Variants in COL13A1 observed in about 807,000 individuals in gnomAD.
COL13A1 encodes collagen type XIII alpha 1 chain.
Under a neutral mutation model 130.9 loss-of-function variants are expected in COL13A1, and 89 were observed. The observed-to-expected ratio is 0.68, with a 90% CI of 0.57 to 0.81. The LOEUF is 0.81. Ranked by LOEUF, COL13A1 falls within the 30% of genes least tolerant of loss-of-function variation. COL13A1 has a pLI of 0.00. For missense variants in COL13A1, 879 were observed against 934.6 expected, an observed-to-expected ratio of 0.94 and a Z score of 0.78; for synonymous variants, 402 against 341.6, an observed-to-expected ratio of 1.18 and a Z score of -1.95.
intron 13 of COL13A1, among the ~76,000 whole-genome samples, chr10:69,897,276 A>G (rs2061737493): frequency 6.6e-6 from 1 of 152,136 alleles, no homozygotes; most frequent in Admixed American, 6.5e-5. Context: ...TTGGCTTTCC[A>G]AGGGGTTGGG....
intron 2 of COL13A1, among the ~76,000 whole-genome samples, chr10:69,851,107 T>C (rs1171263694): frequency 6.6e-6 from 1 of 152,226 alleles, no homozygotes; most frequent in East Asian, 1.9e-4. Context: ...AGGGGAACCA[T>C]GCACCCCTCA....
At chr10:69,898,242 G>T (rs763618606) in intron 13 of COL13A1, among the ~76,000 whole-genome samples, 1 of 152,198 alleles carries the variant, frequency 6.6e-6, no homozygotes, top group Admixed American at 6.5e-5. Flanking sequence ...CCTGGCCAGA[G>T]CCTCTGAGTT....
At chr10:69,897,611 C>G in intron 13 of COL13A1, 1 of 1,483,496 alleles carries the variant, frequency 6.7e-7, no homozygotes, top group Admixed American at 1.8e-5. Flanking sequence ...TGCACATCCC[C>G]AGGCCCCGGC....
intron 2 of COL13A1, 73 bp from the exon 3 acceptor site, chr10:69,867,725 G>C (rs2058662301): frequency 1.4e-6 from 1 of 714,754 alleles, no homozygotes; most frequent in Non-Finnish European, 2.6e-6. Flanking sequence ...CTTGGACACT[G>C]CTTCCAAGGC....
At chr10:69,886,519 T>G (rs2060607449) in intron 7 of COL13A1, among the ~76,000 whole-genome samples, 1 of 152,164 alleles carries the variant, frequency 6.6e-6, no homozygotes, top group Non-Finnish European at 1.5e-5. Context: ...TGAGCCAGTG[T>G]GTCTGAGCAT....
Position 69,885,059 on chromosome 10 carries a change from C to T in COL13A1, c.514-2397C>T, listed in dbSNP as rs151166144. Among the ~76,000 whole-genome samples, 606 of 152,186 alleles carry T rather than the reference C, an allele frequency of 4.0e-3. 6 individuals carry two copies. The highest frequency in any genetic ancestry group is 4.0e-3 in the East Asian group (21 of 5,186). On this transcript the variant is annotated intron_variant, in intron 7 of 40. Coordinates refer to ENST00000645393, the MANE Select transcript of COL13A1 (RefSeq NM_001368882.1). ...TTCATTATATTGGAATAAATTCCAA[C>T]GAGCGAAATACTTAGATATAAAACC...
chr10:69,862,788 G>GT (rs1482343633), intron 2 of COL13A1, among the ~76,000 whole-genome samples: 1 of 152,028 alleles, frequency 6.6e-6, no homozygotes, highest in African/African-American at 2.4e-5. Flanking sequence ...AAACTCTCTG[G>GT]GCCTCAGGTT....
rs1299723377 is a variant in COL13A1, at chr10:69,802,483, G to C, written c.60G>C (p.Leu20Phe). Residue 20 changes from leucine to phenylalanine, a missense_variant, in exon 1 of 41, where the codon TTG (leucine) becomes TTC (phenylalanine). By Grantham distance (22) the Leu-to-Phe change is conservative. This residue lies in a region of COL13A1 where 715 missense variants were observed against 721.0 expected (regional missense o/e 0.99). Coordinates refer to ENST00000645393, the MANE Select transcript of COL13A1 (RefSeq NM_001368882.1). ...AATGARGPGELGAPGTVALVA... is the reference protein window; with the variant it reads ...AATGARGPGEFGAPGTVALVA... ...CCGGTGCCCGCGGCCCTGGGGAGTTGGGCGCGCCCGGGACGGTGGCTCTGG... is the reference window on the plus strand; with the variant it reads ...CCGGTGCCCGCGGCCCTGGGGAGTTCGGCGCGCCCGGGACGGTGGCTCTGG... 6.6e-7 allele frequency: 1 copy of C among 1,520,216 alleles called. No individual in the cohort carries two copies. 94.2% of individuals were successfully genotyped at this position (1,520,216 alleles called of 1,614,324 possible).
At chr10:69,935,267 C>T in intron 31 of COL13A1, 83 bp from the exon 32 acceptor site, 4 of 1,215,706 alleles carry the variant, frequency 3.3e-6, no homozygotes, top group Non-Finnish European at 4.7e-6. Flanking sequence ...CCTCCTCTGG[C>T]CTTGCAGTCT....
At chr10:69,881,835 A>G (rs887896588) in intron 7 of COL13A1, among the ~76,000 whole-genome samples, 6 of 152,230 alleles carry the variant, frequency 3.9e-5, no homozygotes, top group Non-Finnish European at 7.3e-5. Context: ...TCCATTTTAC[A>G]GATGAGGAAA....
intron 37 of COL13A1, 56 bp downstream of exon 37, chr10:69,945,780 T>C (rs1435748725): frequency 3.2e-6 from 5 of 1,574,928 alleles, no homozygotes. Context: ...CCATTAGAAA[T>C]ACCCACGGCC....
chr10:69,826,897 A>G lies in COL13A1; in HGVS notation c.364+4459A>G, dbSNP rs61849199. On this transcript the variant is annotated intron_variant, in intron 2 of 40. Coordinates refer to ENST00000645393, the MANE Select transcript of COL13A1 (RefSeq NM_001368882.1). ...AAAAGGGGAATGGGACAAGTGGAGT[A>G]TGTGCTCAAACCCTCAAGAGCAAAA... Among the ~76,000 whole-genome samples the G allele has an allele frequency of 4.1e-3, 621 of 152,290 alleles. 2 individuals are homozygous for G. The highest frequency in any genetic ancestry group is 6.6e-3 in the Non-Finnish European group (446 of 67,996).
chr10:69,928,484 A>G (rs1051940914), intron 27 of COL13A1, among the ~76,000 whole-genome samples: 11 of 152,240 alleles, frequency 7.2e-5, no homozygotes, highest in Non-Finnish European at 1.5e-5. Flanking sequence ...GCTTCTGCTC[A>G]GCAGAATGTG....
At chr10:69,833,097 A>G (rs1849205009) in intron 2 of COL13A1, among the ~76,000 whole-genome samples, 1 of 152,278 alleles carries the variant, frequency 6.6e-6, no homozygotes, top group African/African-American at 2.4e-5. Flanking sequence ...CCAGTGGAAG[A>G]GTCCTGAGGA....
At chr10:69,949,999 CGTGTGTGT>C (rs200542262) in intron 38 of COL13A1, among the ~76,000 whole-genome samples, 1 of 149,456 alleles carries the variant, frequency 6.7e-6, no homozygotes, top group African/African-American at 2.5e-5. Context: ...TTTGTGTGTG[CGTGTGTGT>C]GTACGTCTCA....
chr10:69,819,891 C>T (rs530447071), intron 1 of COL13A1, among the ~76,000 whole-genome samples: 1 of 152,356 alleles, frequency 6.6e-6, no homozygotes, highest in South Asian at 2.1e-4. Flanking sequence ...ACTCCAGCCA[C>T]ACTTCACCCC....
At chr10:69,925,138 T>C in intron 25 of COL13A1, 131 bp downstream of exon 25, 1 of 903,602 alleles carries the variant, frequency 1.1e-6, no homozygotes. Flanking sequence ...AAGAGACAGG[T>C]CTGTGCCTTT....
rs372022339 is a variant in COL13A1 at position 69,902,840 on chromosome 10, G to T, written c.843G>T (p.Gly281=). ...SGPLGHPGLP[G]PMGPPGLPGP... ...CTCTGGGGCACCCAGGACTGCCAGG[G>T]CCTATGGGGCCACCTGTAAGTATTC... The change falls in exon 15 of 41, where the codon GGG becomes GGT. Residue 281 remains glycine (G), a synonymous_variant. Transcript: ENST00000645393. 1 of 1,536,856 alleles carries T rather than the reference G, an allele frequency of 6.5e-7. No individual in the cohort carries two copies. The highest frequency in any genetic ancestry group is 1.2e-5 in the South Asian group (1 of 82,342).
chr10:69,862,679 C>A (rs1327201133), intron 2 of COL13A1, among the ~76,000 whole-genome samples: 1 of 152,216 alleles, frequency 6.6e-6, no homozygotes, highest in Non-Finnish European at 1.5e-5. Context: ...CCATGTGCCT[C>A]CTTCAAGCTT....
Sources: allele counts gnomAD v4.1 joint callset (sites outside exome capture counted in the v4.1 genomes callset), GRCh38; gene constraint gnomAD v4.1.1; regional missense constraint gnomAD v4.1.1; transcripts MANE v1.5; gene names NCBI Gene and HGNC (gene_info 2026-07-23, HGNC 2026-07-21).